Variants in PLB1 observed in about 807,000 individuals in gnomAD.
PLB1 encodes phospholipase B1.
PLB1 carries 242 observed loss-of-function variants against 227.4 expected under a neutral mutation model. The observed-to-expected ratio is 1.06, with a 90% confidence interval of 0.96 to 1.18. The LOEUF (loss-of-function observed/expected upper bound fraction) is 1.18, where lower values mean the gene tolerates loss of function less well. PLB1 is among the 50% of genes most tolerant of loss of function. The pLI is 0.00. For missense variants in PLB1, 1,858 were observed against 1,816.3 expected (o/e 1.02, Z -0.42); for synonymous variants, 757 against 682.2 (o/e 1.11, Z -1.71).
At chr2:28,589,061 A>T (rs1169289438) in intron 26 of PLB1, among the ~76,000 whole-genome samples, 2 of 151,958 alleles carry the variant, frequency 1.3e-5, no homozygotes, top group Admixed American at 6.6e-5. Context: ...GCTACTCCAG[A>T]GGCTGAGGCA....
intron 29 of PLB1, among the ~76,000 whole-genome samples, chr2:28,590,471 C>T (rs1221281596): frequency 6.6e-6 from 1 of 152,054 alleles, no homozygotes; most frequent in Admixed American, 6.6e-5. Flanking sequence ...ATGGGTAGAG[C>T]GAGGAATCGA....
intron 9 of PLB1, among the ~76,000 whole-genome samples, chr2:28,537,578 C>A (rs1416016716): frequency 1.4e-5 from 2 of 146,792 alleles, no homozygotes; most frequent in Non-Finnish European, 3.0e-5. Flanking sequence ...GTAATCCCAG[C>A]TACTCAGGAG....
chr2:28,579,222 G>T (rs932807190), intron 22 of PLB1, among the ~76,000 whole-genome samples: 1 of 152,144 alleles, frequency 6.6e-6, no homozygotes, highest in Admixed American at 6.6e-5. Context: ...CTCCCTTAAG[G>T]CACAATTAGA....
At chr2:28,602,964 C>G in intron 39 of PLB1, 43 bp downstream of exon 39, 1 of 1,551,898 alleles carries the variant, frequency 6.4e-7, no homozygotes. Context: ...ATGCCCTCAC[C>G]TCCTGGTCTG....
In PLB1 at chr2:28,579,694, T is replaced by C. The variant is rs369628320; in HGVS notation, c.1553T>C (p.Phe518Ser). ...ATAGGCGGCAATGACCTCTGTGATTTCTGCAATGATCTGGTAGGTCTCCAG... is the reference window on the plus strand; with the variant it reads ...ATAGGCGGCAATGACCTCTGTGATTCCTGCAATGATCTGGTAGGTCTCCAG... The part of the protein sequence containing the change: ...LFIGGNDLCD[F>S]CNDLVHYSPQ... The change falls in exon 23 of 58, where the codon TTC (phenylalanine) becomes TCC (serine). Residue 518 changes from phenylalanine (F) to serine (S), a missense_variant. Transcript: ENST00000327757. 24 of 1,612,502 alleles carry C rather than the reference T, an allele frequency of 1.5e-5. No individual in the cohort carries two copies. The highest frequency in any genetic ancestry group is 1.9e-5 in the Non-Finnish European group (22 of 1,178,754).
At chr2:28,637,296 AT>A (rs34664240) in intron 56 of PLB1, among the ~76,000 whole-genome samples, 8,520 of 95,520 alleles carry the variant, frequency 0.089, 370 homozygotes, top group Non-Finnish European at 0.13. Context: ...TCTGTCTCAA[AT>A]TTAAAAAAAA....
chr2:28,600,155 C>G (rs1252058604), intron 35 of PLB1, among the ~76,000 whole-genome samples: 1 of 152,160 alleles, frequency 6.6e-6, no homozygotes, highest in Non-Finnish European at 1.5e-5. Context: ...AGCAATCCAC[C>G]CACCTCAGCC....
chr2:28,563,155 G>T lies in PLB1; in HGVS notation c.1206+56G>T, dbSNP rs577202420. ...GGGGAAAAGATTTTGACTAATATGA[G>T]AACCTGGAGAGGAAAATGGAGAGAG... On this transcript the variant is annotated intron_variant, in intron 18 of 57. Transcript: ENST00000327757. The T allele has an allele frequency of 1.8e-5, 27 of 1,527,284 alleles. No homozygotes were observed. The South Asian group carries it at 3.0e-4, about 17-fold the overall frequency. 94.6% of individuals were successfully genotyped at this position (1,527,284 alleles called of 1,614,324 possible). A position where few individuals can be genotyped will look rare whatever the true frequency, so the allele number is the denominator to read the frequency against.
At chr2:28,639,874 C>T (rs1689780361) in intron 56 of PLB1, among the ~76,000 whole-genome samples, 1 of 152,160 alleles carries the variant, frequency 6.6e-6, no homozygotes, top group South Asian at 2.1e-4. Flanking sequence ...GGTGTCAGGA[C>T]AGGATGTCAT....
At position 28,519,719 on chromosome 2, in the gene PLB1, C is replaced by G. The variant is rs759135991; in HGVS notation, c.199C>G (p.Pro67Ala). The G allele has an allele frequency of 1.4e-5, 22 of 1,610,780 alleles. No homozygotes were observed. In the East Asian group the frequency reaches 4.5e-4, roughly 33 times the overall value. The change falls in exon 4 of 58, where the codon CCT (proline) becomes GCT (alanine). Residue 67 changes from proline to alanine, a missense_variant. Coordinates refer to ENST00000327757, the MANE Select transcript of PLB1 (RefSeq NM_153021.5). Reference sequence around the variant, plus strand: ...TGTCTCCACAGTTCACTCTCTGAAGCCTTCTGATATTAAATTTGTGGCAGC... The same window carrying G: ...TGTCTCCACAGTTCACTCTCTGAAGGCTTCTGATATTAAATTTGTGGCAGC... ...MPSKSVHSLK[P>A]SDIKFVAAIG...
In PLB1 at chr2:28,620,268, G is replaced by A. The variant is rs1418332685; in HGVS notation, c.3319G>A (p.Ala1107Thr). 1.3e-6 allele frequency: 2 copies of A among 1,598,628 alleles called. No homozygotes were observed. The highest frequency in any genetic ancestry group is 8.5e-7 in the Non-Finnish European group (1 of 1,170,790). ...VAALGDSLTT[A>T]VGARPNNSSD... The stretch of plus-strand genomic sequence containing the variant: ...ACTTTCTTTTTGCTTTTTACAGACA[G>A]CAGTGGGAGCTCGACCAAACAACTC... The change falls in exon 47 of 58, where the codon GCA (alanine) becomes ACA (threonine). Residue 1107 changes from alanine to threonine, a missense_variant. By Grantham distance (58) the Ala-to-Thr change is moderately conservative. Transcript: ENST00000327757.
chr2:28,620,037 G>C (rs956110767), intron 46 of PLB1, among the ~76,000 whole-genome samples: 11 of 152,170 alleles, frequency 7.2e-5, no homozygotes, highest in African/African-American at 2.2e-4. Flanking sequence ...GGGTGCTAGG[G>C]AGAGTGGAAA....
chr2:28,591,835 A>G (rs1278979878), intron 31 of PLB1, 75 bp downstream of exon 31: 1 of 1,416,062 alleles, frequency 7.1e-7, no homozygotes, highest in Non-Finnish European at 9.9e-7. Context: ...CTCTGACCTG[A>G]CTTTCACACT....
At chr2:28,538,267 C>A (rs1028643682) in intron 9 of PLB1, 52 bp from the exon 10 acceptor site, 3 of 1,613,118 alleles carry the variant, frequency 1.9e-6, no homozygotes, top group Non-Finnish European at 1.7e-6. Context: ...GGTGGCCTCA[C>A]CTCGTGGTCC....
In PLB1 at chr2:28,539,188, G is replaced by C. The variant is rs1034512574; in HGVS notation, c.698+10G>C. 6.2e-7 allele frequency: 1 copy of C among 1,606,848 alleles called. No homozygotes were observed. Among genetic ancestry groups the C allele is most frequent in the Non-Finnish European group, 8.5e-7 (1 of 1,173,460 alleles). On this transcript the variant is annotated intron_variant, in intron 11 of 57. Coordinates refer to ENST00000327757, the MANE Select transcript of PLB1 (RefSeq NM_153021.5). Reference sequence around the variant, plus strand: ...ACGGCACTTGGCTCAGGTAAAAGGGGAAGTGGAATGAGACACGCATCTGTG... The same window carrying C: ...ACGGCACTTGGCTCAGGTAAAAGGGCAAGTGGAATGAGACACGCATCTGTG...
chr2:28,550,700 C>A (rs1270420238), intron 16 of PLB1, among the ~76,000 whole-genome samples: 1 of 151,350 alleles, frequency 6.6e-6, no homozygotes, highest in East Asian at 1.9e-4. Flanking sequence ...AACACCACAC[C>A]CGGCTATTTT....
At position 28,600,845 on chromosome 2, in the gene PLB1, G is replaced by T. The variant is rs377536483; in HGVS notation, c.2511G>T (p.Lys837Asn). 2 of 1,611,712 alleles carry T rather than the reference G, an allele frequency of 1.2e-6. No homozygotes were observed. The highest frequency in any genetic ancestry group is 1.7e-6 in the Non-Finnish European group (2 of 1,177,892). ...LMSQVQTLMQ[K>N]MKDDHRVNFH... Reference sequence around the variant, plus strand: ...GCCAAGTCCAAACTCTGATGCAGAAGATGAAAGATGATCATGTGAGTCAGA... The same window carrying T: ...GCCAAGTCCAAACTCTGATGCAGAATATGAAAGATGATCATGTGAGTCAGA... The change falls in exon 36 of 58, where the codon AAG (lysine) becomes AAT (asparagine). Residue 837 changes from lysine to asparagine, a missense_variant. Physicochemically the swap from Lys to Asn is moderately conservative, Grantham distance 94 (BLOSUM62 0). Coordinates refer to ENST00000327757, the MANE Select transcript of PLB1 (RefSeq NM_153021.5).
chr2:28,641,787 T>A (rs979484744), intron 57 of PLB1, among the ~76,000 whole-genome samples: 1 of 151,692 alleles, frequency 6.6e-6, no homozygotes. Flanking sequence ...TCTCCCCAGC[T>A]CTCCTCTCCC....
intron 17 of PLB1, among the ~76,000 whole-genome samples, chr2:28,559,632 A>G (rs1004655477): frequency 6.6e-6 from 1 of 151,658 alleles, no homozygotes; most frequent in Non-Finnish European, 1.5e-5. Flanking sequence ...CTTCCTGCAC[A>G]GGTACAATTC....
Sources: gnomAD v4.1 joint callset for allele counts (sites outside exome capture counted in the v4.1 genomes callset) on GRCh38, gnomAD v4.1.1 for gene constraint, MANE v1.5 for transcripts, NCBI Gene and HGNC (gene_info 2026-07-23, HGNC 2026-07-21) for gene names.